The following SNAPC4 variants were observed in gnomAD, a reference collection of about 807,000 sequenced individuals.
SNAPC4 encodes the protein snRNA-activating protein complex subunit 4.
In SNAPC4, 127 loss-of-function variants were observed where a neutral mutation model predicts 151.3. The observed-to-expected ratio is 0.84, with a 90% CI of 0.73 to 0.97. The LOEUF is 0.97. Among genes scored for constraint, SNAPC4 ranks in the 50% least tolerant of loss-of-function variants. The probability of loss-of-function intolerance (pLI) is 0.00; values close to 1 mark genes in which losing one functional copy is unlikely to be tolerated. For synonymous variants in SNAPC4, 1,002 were observed against 824.4 expected, an observed-to-expected ratio of 1.22 and a Z score of -3.69; for missense variants, 2,186 against 1,935.0, an observed-to-expected ratio of 1.13 and a Z score of -2.43.
At chr9:136,379,989 T>C (rs1365077113) in intron 20 of SNAPC4, 125 bp from the exon 21 acceptor site, 3 of 1,407,394 alleles carry the variant, frequency 2.1e-6, no homozygotes, top group Non-Finnish European at 9.9e-7. Flanking sequence ...GGGCTGGTGC[T>C]GGCCTCCCAC....
Position 136,382,076 on chromosome 9 carries a change from G to T in SNAPC4, c.2068-3C>A. 1 of 1,579,124 alleles carries T rather than the reference G, an allele frequency of 6.3e-7. No homozygotes were observed. Among genetic ancestry groups the T allele is most frequent in the Non-Finnish European group, 8.6e-7 (1 of 1,162,498 alleles). ...GGTGGCTGCCTCAGCTGCTCTTTCT[G>T]TAAGGAGAAGGCAGCACCTGGGGCC... On this transcript the variant is annotated splice_region_variant and splice_polypyrimidine_tract_variant and intron_variant, in intron 17 of 23. Transcript: ENST00000684778.
chr9:136,384,948 G>A (rs1380054934), intron 13 of SNAPC4, 134 bp from the exon 14 acceptor site: 2 of 529,392 alleles, frequency 3.8e-6, no homozygotes, highest in Non-Finnish European at 6.6e-6. Flanking sequence ...AGATAAAGTA[G>A]ACTTCATCAA....
intron 20 of SNAPC4, among the ~76,000 whole-genome samples, 185 bp from the exon 21 acceptor site, chr9:136,380,049 C>T (rs1387525507): frequency 2.6e-5 from 4 of 152,192 alleles, no homozygotes; most frequent in African/African-American, 7.2e-5. Context: ...GCATGTGGCC[C>T]GATCCCATGT....
At position 136,398,437 on chromosome 9, in the gene SNAPC4, C is replaced by T. The variant is rs1287707975; in HGVS notation, c.-9G>A. 2 of 1,611,298 alleles carry T rather than the reference C, an allele frequency of 1.2e-6. No homozygotes were observed. Among genetic ancestry groups the T allele is most frequent in the South Asian group, 2.2e-5 (2 of 91,030 alleles). On this transcript the variant is annotated splice_region_variant and 5_prime_UTR_variant, in exon 2 of 24. Transcript: ENST00000684778. ...TCAGCATCTACATCCATGACTCCCGCCTGCCTCCAAAACACACCCCGAGAT... is the reference window on the plus strand; with the variant it reads ...TCAGCATCTACATCCATGACTCCCGTCTGCCTCCAAAACACACCCCGAGAT...
rs1433614700 is a variant in SNAPC4, at chr9:136,381,323, TGGGTAAACA to T, written c.2378_2386del (p.Leu793_Thr795del). 2 of 1,611,416 alleles carry T rather than the reference TGGGTAAACA, an allele frequency of 1.2e-6. No individual in the cohort carries two copies. The highest frequency in any genetic ancestry group is 2.7e-5 in the African/African-American group (2 of 74,884). ...CGAAGCTCTGCCCAAGTAGCTTACC[TGGGTAAACA>T]GGGTAAACACAGGGGTGCTGGCCAG... On this transcript the variant is annotated inframe_deletion and splice_region_variant, in exon 19 of 24. Transcript: ENST00000684778.
At position 136,391,924 on chromosome 9, in the gene SNAPC4, T is replaced by G. The variant is rs1235848499; in HGVS notation, c.975+18A>C. ...CCCTCAGGTCTCCTGGCCCCTGGGG[T>G]CCAGGCCAGGCCCTTACCCCCAGCT... On this transcript the variant is annotated intron_variant, in intron 10 of 23. Coordinates refer to ENST00000684778, the MANE Select transcript of SNAPC4 (RefSeq NM_003086.4). The G allele has an allele frequency of 2.5e-6, 4 of 1,597,322 alleles. No individual in the cohort carries two copies. The highest frequency in any genetic ancestry group is 1.7e-4 in the Middle Eastern group (1 of 5,976).
Position 136,377,775 on chromosome 9 carries a change from A to C in SNAPC4, c.4052T>G (p.Val1351Gly). The change falls in exon 22 of 24, where the codon GTG becomes GGG. Residue 1351 changes from valine (V) to glycine (G), a missense_variant. By Grantham distance (109) the Val-to-Gly change is moderately radical (BLOSUM62 -3). Coordinates refer to ENST00000684778, the MANE Select transcript of SNAPC4 (RefSeq NM_003086.4). Reference protein sequence around the residue: ...AGALQASLGLVRGQLQDNPAY... With the variant: ...AGALQASLGLGRGQLQDNPAY... ...CGGGTTGTCCTGGAGCTGCCCCCGC[A>C]CCAGCCCCAGTGAGGCTTGCAGTGC... 1 of 1,611,672 alleles carries C rather than the reference A, an allele frequency of 6.2e-7. No individual in the cohort carries two copies. Among genetic ancestry groups the C allele is most frequent in the Non-Finnish European group, 8.5e-7 (1 of 1,179,508 alleles).
chr9:136,387,465 C>A lies in SNAPC4; in HGVS notation c.1325+20G>T. The A allele has an allele frequency of 1.9e-6, 3 of 1,572,616 alleles. No individual in the cohort carries two copies. Among genetic ancestry groups the A allele is most frequent in the Non-Finnish European group, 2.6e-6 (3 of 1,142,538 alleles). ...GTGACCCACACGGGCCCCTCCCTCG[C>A]TCAGCGCTGTGCGACTCACCGATCT... On this transcript the variant is annotated intron_variant, in intron 13 of 23. Coordinates refer to ENST00000684778, the MANE Select transcript of SNAPC4 (RefSeq NM_003086.4).
In SNAPC4 at chr9:136,378,664, C is replaced by T. The variant is rs760625263; in HGVS notation, c.3163G>A (p.Val1055Ile). The change falls in exon 22 of 24, where the codon GTC (valine) becomes ATC (isoleucine). Residue 1055 changes from valine (V) to isoleucine (I), a missense_variant. Transcript: ENST00000684778. ...PAAPSPTPLP[V>I]QPLSLTHIGG... Reference sequence around the variant, plus strand: ...ATGTGCGTCAGGCTGAGGGGCTGGACGGGCAGTGGGGTGGGGCTGGGGGCT... The same window carrying T: ...ATGTGCGTCAGGCTGAGGGGCTGGATGGGCAGTGGGGTGGGGCTGGGGGCT... 4.5e-5 allele frequency: 58 copies of T among 1,287,366 alleles called. No individual in the cohort carries two copies. Among genetic ancestry groups the T allele is most frequent in the East Asian group, 1.7e-4 (5 of 28,616 alleles). 79.7% of individuals were successfully genotyped at this position (1,287,366 alleles called of 1,614,324 possible).
chr9:136,383,145 G>C lies in SNAPC4; in HGVS notation c.1983+41C>G, dbSNP rs377272492. 14 of 1,508,902 alleles carry C rather than the reference G, an allele frequency of 9.3e-6. No homozygotes were observed. The highest frequency in any genetic ancestry group is 4.2e-5 in the African/African-American group (3 of 71,494). 93.5% of individuals were successfully genotyped at this position (1,508,902 alleles called of 1,614,324 possible). A position where few individuals can be genotyped will look rare whatever the true frequency, so the allele number is the denominator to read the frequency against. ...GCGTCAGCCCTGGCGAGCGAGTGCC[G>C]AAAGTGCACTTCCCGTGGTACACCC... On this transcript the variant is annotated intron_variant, in intron 16 of 23. Coordinates refer to ENST00000684778, the MANE Select transcript of SNAPC4 (RefSeq NM_003086.4). This position sits in a 1 kb window ranked among gnomAD's most constrained non-coding sequence, Gnocchi z 4.2.
intron 2 of SNAPC4, among the ~76,000 whole-genome samples, chr9:136,397,639 G>A (rs11145884): frequency 0.074 from 7,675 of 103,500 alleles, 219 homozygotes; most frequent in Admixed American, 0.12. Flanking sequence ...GGGAGCACGT[G>A]GGGAGGGGAG....
chr9:136,378,157 A>T lies in SNAPC4; in HGVS notation c.3670T>A (p.Ser1224Thr). Residue 1224 changes from serine (S) to threonine (T), a missense_variant, in exon 22 of 24, where the codon TCC becomes ACC. By Grantham distance (58) the Ser-to-Thr change is moderately conservative (BLOSUM62 1). Transcript: ENST00000684778. The stretch of plus-strand genomic sequence containing the variant: ...CTGGGCTCCTGTGTCCCTGAGGGGG[A>T]CCCCGGCGTCCCCCTTGGCTCAGTT... ...PATEPRGTPG[S>T]PSGTQEPRGP... The T allele has an allele frequency of 6.2e-7, 1 of 1,610,046 alleles. No individual in the cohort carries two copies.
intron 10 of SNAPC4, among the ~76,000 whole-genome samples, chr9:136,389,098 G>C (rs910806016): frequency 6.6e-6 from 1 of 152,202 alleles, no homozygotes; most frequent in African/African-American, 2.4e-5. Flanking sequence ...TCAGAAGAGA[G>C]TGCCCCAAAA....
At chr9:136,376,655 C>G (rs1432328660) in intron 22 of SNAPC4, among the ~76,000 whole-genome samples, 174 bp from the exon 23 acceptor site, 2 of 152,166 alleles carry the variant, frequency 1.3e-5, no homozygotes, top group African/African-American at 2.4e-5. Flanking sequence ...TGACTGTGCA[C>G]TCCCTCCCTC....
chr9:136,395,663 C>T lies in SNAPC4; in HGVS notation c.285G>A (p.Glu95=), dbSNP rs148943030. 81 of 1,613,262 alleles carry T rather than the reference C, an allele frequency of 5.0e-5. No individual in the cohort carries two copies. In the African/African-American group the frequency reaches 9.6e-4, roughly 19 times the overall value. Reference sequence around the variant, plus strand: ...CCTCAGCCAGCTTCTCCTGGATGACCTCCTGGTAGACCATGTTCAGCTGCA... The same window carrying T: ...CCTCAGCCAGCTTCTCCTGGATGACTTCCTGGTAGACCATGTTCAGCTGCA... ...TCLQLNMVYQ[E]VIQEKLAEAN... is the part of the protein sequence containing the mutation. Residue 95 remains glutamate (E), a synonymous_variant, in exon 4 of 24, where the codon GAG becomes GAA. Transcript: ENST00000684778.
rs115344177 is a variant in SNAPC4 at position 136,392,513 on chromosome 9, C to T, written c.810+9G>A. The T allele has an allele frequency of 5.6e-4, 906 of 1,613,466 alleles. 6 individuals are homozygous for T. In the African/African-American group the frequency reaches 0.011, roughly 19 times the overall value. Reference sequence around the variant, plus strand: ...AGCTGCTTGGGGCTCAGACCTGCCCCTGACTTACGTTAATATTGGAAATCT... The same window carrying T: ...AGCTGCTTGGGGCTCAGACCTGCCCTTGACTTACGTTAATATTGGAAATCT... On this transcript the variant is annotated intron_variant, in intron 9 of 23. Transcript: ENST00000684778.
Position 136,383,181 on chromosome 9 carries a change from C to A in SNAPC4, c.1983+5G>T. 3 of 1,525,598 alleles carry A rather than the reference C, an allele frequency of 2.0e-6. No individual in the cohort carries two copies. Among genetic ancestry groups the A allele is most frequent in the South Asian group, 2.6e-5 (2 of 77,264 alleles). 94.5% of individuals were successfully genotyped at this position (1,525,598 alleles called of 1,614,324 possible). A position where few individuals can be genotyped will look rare whatever the true frequency, so the allele number is the denominator to read the frequency against. ...TCCCGTGGTACACCCAGGGCCGGGGCCTACCTCCAGGGCCTGCTTCTCTGC... is the reference window on the plus strand; with the variant it reads ...TCCCGTGGTACACCCAGGGCCGGGGACTACCTCCAGGGCCTGCTTCTCTGC... On this transcript the variant is annotated splice_donor_5th_base_variant and intron_variant, in intron 16 of 23. Transcript: ENST00000684778. This position sits in a 1 kb window ranked among gnomAD's most constrained non-coding sequence, Gnocchi z 4.2.
At chr9:136,399,248 G>A (rs965754270) in intron 1 of SNAPC4, among the ~76,000 whole-genome samples, 20 of 152,230 alleles carry the variant, frequency 1.3e-4, no homozygotes, top group African/African-American at 4.8e-4. Flanking sequence ...GCTGGAGGCT[G>A]ACTGGGGCCC....
intron 17 of SNAPC4, 37 bp from the exon 18 acceptor site, chr9:136,382,110 G>A: frequency 6.4e-7 from 1 of 1,562,502 alleles, no homozygotes; most frequent in Non-Finnish European, 8.7e-7. Context: ...CCCATGGCCA[G>A]GCTCGGCCCC....
Sources: allele counts gnomAD v4.1 joint callset (sites outside exome capture counted in the v4.1 genomes callset), GRCh38; gene constraint gnomAD v4.1.1; non-coding constraint Gnocchi (gnomAD v3.1); transcripts MANE v1.5; gene names NCBI Gene and HGNC (gene_info 2026-07-23, HGNC 2026-07-21).